The following RABGAP1L variants were observed in gnomAD, a reference collection of about 807,000 sequenced individuals.
The protein encoded by RABGAP1L is RAB GTPase activating protein 1 like.
Under a neutral mutation model 137.7 loss-of-function variants are expected in RABGAP1L, and 63 were observed. The ratio of observed to expected loss-of-function variants is 0.46; its 90% confidence interval spans 0.37 to 0.56. The LOEUF is 0.56. Among genes scored for constraint, RABGAP1L ranks in the 20% least tolerant of loss-of-function variants. RABGAP1L has a pLI of 0.00. For missense variants in RABGAP1L, 1,095 were observed against 1,244.0 expected (o/e 0.88, Z 1.80); for synonymous variants, 431 against 433.7 (o/e 0.99, Z 0.08).
intron 11 of RABGAP1L, among the ~76,000 whole-genome samples, chr1:174,332,328 A>G (rs1445928990): frequency 6.6e-6 from 1 of 152,112 alleles, no homozygotes; most frequent in Non-Finnish European, 1.5e-5. Flanking sequence ...TAGTTGAGGA[A>G]GGATTGGTCT....
At chr1:174,784,012 T>A (rs12746461) in intron 18 of RABGAP1L, among the ~76,000 whole-genome samples, 1 of 11,278 alleles carries the variant, frequency 8.9e-5, no homozygotes, top group South Asian at 3.8e-3. Context: ...CTTCTTCTTC[T>A]TTTTTTTTTT....
chr1:174,268,422 C>T (rs1488351214), intron 7 of RABGAP1L, among the ~76,000 whole-genome samples: 1 of 152,006 alleles, frequency 6.6e-6, no homozygotes, highest in African/African-American at 2.4e-5. Flanking sequence ...CCAGGATGGT[C>T]TCGATCTCCT....
intron 13 of RABGAP1L, among the ~76,000 whole-genome samples, chr1:174,556,487 GTCT>G (rs1666891230): frequency 6.6e-6 from 1 of 152,152 alleles, no homozygotes; most frequent in Non-Finnish European, 1.5e-5. Context: ...TGTTTTGGTA[GTCT>G]TCTTTCCCTC....
intron 13 of RABGAP1L, among the ~76,000 whole-genome samples, chr1:174,476,508 G>A (rs1198345193): frequency 1.3e-5 from 2 of 152,064 alleles, no homozygotes; most frequent in African/African-American, 4.8e-5. Context: ...ATGTTATTCA[G>A]CCACTATATG....
At chr1:174,721,853 T>C (rs181882644) in intron 17 of RABGAP1L, among the ~76,000 whole-genome samples, 147 of 152,334 alleles carry the variant, frequency 9.6e-4, no homozygotes, top group African/African-American at 3.4e-3. Flanking sequence ...ATTACTCCTT[T>C]TTCTAAATTA....
chr1:174,685,727 C>A (rs1359949062), intron 15 of RABGAP1L, among the ~76,000 whole-genome samples: 1 of 151,640 alleles, frequency 6.6e-6, no homozygotes, highest in African/African-American at 2.4e-5. Flanking sequence ...CCACACCGGG[C>A]TAATTTTTGT....
Position 174,782,197 on chromosome 1 carries a change from A to T in RABGAP1L, c.2212-29635A>T, listed in dbSNP as rs1455199095. On this transcript the variant is annotated intron_variant, in intron 18 of 25. Transcript: ENST00000681986. ...ATGATATTGATTCTTCCTATCCCTG[A>T]GCATGGAATGTTCCTCCATTCGTTT... Among the ~76,000 whole-genome samples, 2 of 152,188 alleles carry T rather than the reference A, an allele frequency of 1.3e-5. 1 individual carries two copies. The highest frequency in any genetic ancestry group is 2.9e-5 in the Non-Finnish European group (2 of 68,040).
At chr1:174,856,402 A>G (rs1649307894) in intron 19 of RABGAP1L, among the ~76,000 whole-genome samples, 1 of 151,406 alleles carries the variant, frequency 6.6e-6, no homozygotes, top group Non-Finnish European at 1.5e-5. Flanking sequence ...CTCAATAAAA[A>G]AAAAAAAAAA....
Position 174,272,530 on chromosome 1 carries a change from A to G in RABGAP1L, c.1053+50A>G, listed in dbSNP as rs769044357. The G allele has an allele frequency of 5.3e-5, 75 of 1,419,960 alleles. 1 individual carries two copies. The highest frequency in any genetic ancestry group is 6.4e-5 in the Non-Finnish European group (69 of 1,085,190). The allele number at this position is 1,419,960 out of a possible 1,614,324, so 88.0% of individuals were successfully genotyped here. ...ACCAAGTATAGATGATAGTTATTTT[A>G]TATTTGACAAGTATTTTCTATTTAC... On this transcript the variant is annotated intron_variant, in intron 8 of 25. Transcript: ENST00000681986.
At chr1:174,503,327 CAA>C (rs1397116244) in intron 13 of RABGAP1L, among the ~76,000 whole-genome samples, 2 of 152,068 alleles carry the variant, frequency 1.3e-5, no homozygotes, top group African/African-American at 4.8e-5. Flanking sequence ...ATAATTAAAA[CAA>C]ATTTTAAAAA....
At chr1:174,550,458 A>G (rs1666341889) in intron 13 of RABGAP1L, among the ~76,000 whole-genome samples, 2 of 152,174 alleles carry the variant, frequency 1.3e-5, no homozygotes, top group South Asian at 4.1e-4. Context: ...ATCTTCTGCA[A>G]ATTAGCAAAT....
chr1:174,728,787 G>A (rs748542994), intron 17 of RABGAP1L, among the ~76,000 whole-genome samples: 54 of 152,060 alleles, frequency 3.6e-4, no homozygotes, highest in African/African-American at 1.2e-3. Flanking sequence ...GACTACAGGC[G>A]CAAGCCACCA....
At chr1:174,370,851 C>G in intron 11 of RABGAP1L, 128 bp from the exon 12 acceptor site, 1 of 410,758 alleles carries the variant, frequency 2.4e-6, no homozygotes, top group Admixed American at 4.2e-5. Context: ...GTTATTTTTG[C>G]AATGCATGTA....
At chr1:174,763,839 A>C (rs1685453412) in intron 18 of RABGAP1L, among the ~76,000 whole-genome samples, 1 of 17,108 alleles carries the variant, frequency 5.8e-5, no homozygotes, top group Non-Finnish European at 3.8e-4. Flanking sequence ...CTCCGTCTCA[A>C]AAAAAAAAAA....
At chr1:174,550,917 C>CACACATAT (rs1553330149) in intron 13 of RABGAP1L, among the ~76,000 whole-genome samples, 11 of 96,452 alleles carry the variant, frequency 1.1e-4, no homozygotes, top group African/African-American at 6.1e-4. Flanking sequence ...TATACACACA[C>CACACATAT]ACACATATAT....
intron 19 of RABGAP1L, among the ~76,000 whole-genome samples, chr1:174,944,919 G>T (rs563524935): frequency 1.3e-5 from 2 of 152,186 alleles, no homozygotes; most frequent in South Asian, 2.1e-4. Context: ...TGTATTTTTA[G>T]CAAGCGACAT....
chr1:174,773,095 T>C (rs1340774500), intron 18 of RABGAP1L, among the ~76,000 whole-genome samples: 1 of 152,008 alleles, frequency 6.6e-6, no homozygotes, highest in Non-Finnish European at 1.5e-5. Context: ...GTTAGGCAAA[T>C]GACATACCAC....
At chr1:174,358,697 A>G (rs1464435232) in intron 11 of RABGAP1L, among the ~76,000 whole-genome samples, 1 of 152,182 alleles carries the variant, frequency 6.6e-6, no homozygotes, top group Non-Finnish European at 1.5e-5. Context: ...GAATGAACCT[A>G]GTTGCCTTTT....
chr1:174,974,855 G>A (rs1021777198), intron 21 of RABGAP1L, among the ~76,000 whole-genome samples: 2 of 152,228 alleles, frequency 1.3e-5, no homozygotes, highest in Admixed American at 6.5e-5. Flanking sequence ...CGCTTGGCCA[G>A]TCCTCAGCAG....
Sources: allele counts gnomAD v4.1 joint callset (sites outside exome capture counted in the v4.1 genomes callset), GRCh38; gene constraint gnomAD v4.1.1; transcripts MANE v1.5; gene names NCBI Gene and HGNC (gene_info 2026-07-23, HGNC 2026-07-21).